CFAP97: variants seen among roughly 807,000 people sequenced by gnomAD.
The protein encoded by CFAP97 is cilia and flagella associated protein 97.
In CFAP97, 36 loss-of-function variants were observed where a neutral mutation model predicts 43.1. The observed-to-expected ratio is 0.84, with a 90% CI of 0.64 to 1.10. The LOEUF is 1.10. CFAP97 is among the 50% of genes least tolerant of loss of function. The probability of loss-of-function intolerance (pLI) is 0.00; values close to 1 mark genes in which losing one functional copy is unlikely to be tolerated. For synonymous variants in CFAP97, 228 were observed against 225.7 expected (o/e 1.01, Z -0.09); for missense variants, 657 against 620.3 (o/e 1.06, Z -0.63).
rs555105204 is a variant in CFAP97 at position 185,170,722 on chromosome 4, C to T, written c.1320+5064G>A. The stretch of plus-strand genomic sequence containing the variant: ...GCCTTAGGCCAGGTGTGGTGGCTCT[C>T]GCCTGTAATCCTAGTACTTTGAGAC... On this transcript the variant is annotated intron_variant, in intron 3 of 4. Coordinates refer to ENST00000458385, the MANE Select transcript of CFAP97 (RefSeq NM_020827.3). 8.1e-4 allele frequency among the ~76,000 whole-genome samples: 123 copies of T among 151,188 alleles called. 1 individual carries two copies. Among genetic ancestry groups the T allele is most frequent in the African/African-American group, 2.8e-3 (114 of 41,250 alleles).
At chr4:185,167,141 A>G (rs1464216903) in intron 3 of CFAP97, among the ~76,000 whole-genome samples, 1 of 152,068 alleles carries the variant, frequency 6.6e-6, no homozygotes, top group African/African-American at 2.4e-5. Flanking sequence ...TAATTTAGTC[A>G]TCAATTTAGA....
At chr4:185,164,259 C>A in intron 3 of CFAP97, 80 bp from the exon 4 acceptor site, 3 of 1,277,010 alleles carry the variant, frequency 2.3e-6, no homozygotes, top group Non-Finnish European at 2.1e-6. Context: ...TAGAGCCTGA[C>A]ATTCACTTTC....
intron 3 of CFAP97, among the ~76,000 whole-genome samples, chr4:185,168,591 G>A (rs1241257460): frequency 6.8e-6 from 1 of 147,838 alleles, no homozygotes; most frequent in Non-Finnish European, 1.5e-5. Flanking sequence ...GAAAGACTCT[G>A]TCTCAAAAAA....
intron 1 of CFAP97, among the ~76,000 whole-genome samples, chr4:185,199,839 T>G (rs1053324108): frequency 2.7e-5 from 4 of 145,908 alleles, no homozygotes; most frequent in African/African-American, 1.0e-4. Flanking sequence ...AGACAAAAAA[T>G]TCAAAATATT....
chr4:185,191,259 C>T (rs1256595147), intron 1 of CFAP97, 47 bp from the exon 2 acceptor site: 4 of 1,285,916 alleles, frequency 3.1e-6, no homozygotes, highest in Non-Finnish European at 3.1e-6. Context: ...TTTCCAAATA[C>T]TTTCCATTTG....
At chr4:185,194,883 T>G (rs1042771700) in intron 1 of CFAP97, among the ~76,000 whole-genome samples, 3 of 152,106 alleles carry the variant, frequency 2.0e-5, no homozygotes, top group Non-Finnish European at 2.9e-5. Context: ...ACCATAATAG[T>G]GTTTGTGTAA....
chr4:185,191,325 GAAAC>G, intron 1 of CFAP97, 113 bp from the exon 2 acceptor site: 1 of 733,910 alleles, frequency 1.4e-6, no homozygotes. Flanking sequence ...TATATAAAAA[GAAAC>G]ATTATAAAAA....
intron 2 of CFAP97, among the ~76,000 whole-genome samples, chr4:185,181,472 T>A (rs1735786094): frequency 6.6e-6 from 1 of 151,470 alleles, no homozygotes; most frequent in Non-Finnish European, 1.5e-5. Context: ...ATTACAGGCA[T>A]GTGCCACCAC....
In CFAP97 at chr4:185,190,327, T is replaced by A; in HGVS notation, c.870A>T (p.Glu290Asp). 5 of 1,604,648 alleles carry A rather than the reference T, an allele frequency of 3.1e-6. No individual in the cohort carries two copies. Among genetic ancestry groups the A allele is most frequent in the East Asian group, 2.2e-5 (1 of 44,772 alleles). ...TCAAATCCTCAACATCTTCATATATTTCTTGGCTCACATTTTCTTGCTTTT... is the reference window on the plus strand; with the variant it reads ...TCAAATCCTCAACATCTTCATATATATCTTGGCTCACATTTTCTTGCTTTT... ...KIKKQENVSQ[E>D]IYEDVEDLKN... Residue 290 changes from glutamate (E) to aspartate (D), a missense_variant, in exon 2 of 5, where the codon GAA becomes GAT. Coordinates refer to ENST00000458385, the MANE Select transcript of CFAP97 (RefSeq NM_020827.3).
intron 1 of CFAP97, among the ~76,000 whole-genome samples, chr4:185,202,009 C>G (rs1431298048): frequency 6.7e-6 from 1 of 149,114 alleles, no homozygotes; most frequent in Non-Finnish European, 1.5e-5. Flanking sequence ...AGCTGCAGAC[C>G]CAGCTAAAGG....
rs377555584 is a variant in CFAP97 at position 185,164,093 on chromosome 4, G to A, written c.1407C>T (p.Gly469=). ...TTGACAATGGTGATGAGTTGAGATA[G>A]CCCATATTGCGATGATAGTCCATCA... is the stretch of plus-strand genomic sequence containing the variant. ...EQLMDYHRNM[G]YLNSSPLSRR... The change falls in exon 4 of 5, where the codon GGC becomes GGT. Residue 469 remains glycine (G), a synonymous_variant. Transcript: ENST00000458385. 2 of 1,613,764 alleles carry A rather than the reference G, an allele frequency of 1.2e-6. No individual in the cohort carries two copies. The highest frequency in any genetic ancestry group is 1.7e-6 in the Non-Finnish European group (2 of 1,179,834).
intron 1 of CFAP97, among the ~76,000 whole-genome samples, chr4:185,198,593 C>A (rs1736669134): frequency 6.6e-6 from 1 of 151,818 alleles, no homozygotes; most frequent in Non-Finnish European, 1.5e-5. Flanking sequence ...AGTTCAAGAC[C>A]AGCCTGACCA....
rs867526881 is a variant in CFAP97 at position 185,161,510 on chromosome 4, A to G, written c.*1288T>C. On this transcript the variant is annotated 3_prime_UTR_variant, in exon 5 of 5. Coordinates refer to ENST00000458385, the MANE Select transcript of CFAP97 (RefSeq NM_020827.3). Reference sequence around the variant, plus strand: ...ATTTAACATGGAACCTTTCCAATACATTTTAAGGGCATACTGAAAAGGCTA... The same window carrying G: ...ATTTAACATGGAACCTTTCCAATACGTTTTAAGGGCATACTGAAAAGGCTA... 1 of 152,204 alleles carries G rather than the reference A, an allele frequency of 6.6e-6. No homozygotes were observed. Among genetic ancestry groups the G allele is most frequent in the African/African-American group, 2.4e-5 (1 of 41,464 alleles). The allele number at this position is 152,204 out of a possible 1,614,324, so 9.4% of individuals were successfully genotyped here.
At chr4:185,164,274 T>A in intron 3 of CFAP97, 95 bp from the exon 4 acceptor site, 2 of 594,566 alleles carry the variant, frequency 3.4e-6, no homozygotes, top group Non-Finnish European at 4.4e-6. Flanking sequence ...ACTTTCTTTC[T>A]TTTTTTTTTT....
At chr4:185,193,993 C>T (rs1424039533) in intron 1 of CFAP97, among the ~76,000 whole-genome samples, 1 of 152,198 alleles carries the variant, frequency 6.6e-6, no homozygotes. Flanking sequence ...ACTTAGATCA[C>T]GAGTCAGCAA....
chr4:185,196,915 C>T (rs1049473082), intron 1 of CFAP97, among the ~76,000 whole-genome samples: 4 of 151,810 alleles, frequency 2.6e-5, no homozygotes, highest in African/African-American at 9.7e-5. Context: ...GCCTGGCCAA[C>T]GTGGTGAAAC....
upstream of CFAP97, among the ~76,000 whole-genome samples, chr4:185,205,272 G>A (rs1737138664): frequency 6.6e-6 from 1 of 152,124 alleles, no homozygotes; most frequent in East Asian, 1.9e-4. Flanking sequence ...TGACTAATAT[G>A]GTGAAACACT....
chr4:185,201,322 C>T (rs112045116), intron 1 of CFAP97, among the ~76,000 whole-genome samples: 17,959 of 78,958 alleles, frequency 0.23, 1,184 homozygotes, highest in African/African-American at 0.27. Flanking sequence ...CAAGACTCCG[C>T]CTCAAAAAAA....
chr4:185,178,632 T>C (rs1170903701), intron 2 of CFAP97, among the ~76,000 whole-genome samples: 2 of 152,168 alleles, frequency 1.3e-5, no homozygotes, highest in Non-Finnish European at 2.9e-5. Flanking sequence ...TTACTACTGC[T>C]CTGCTAACAC....
Sources: allele counts gnomAD v4.1 joint callset (sites outside exome capture counted in the v4.1 genomes callset), GRCh38; gene constraint gnomAD v4.1.1; transcripts MANE v1.5; gene names NCBI Gene and HGNC (gene_info 2026-07-23, HGNC 2026-07-21).